NMRK2: variants seen among roughly 807,000 people sequenced by gnomAD.
NMRK2 encodes the protein nicotinamide riboside kinase 2.
Under a neutral mutation model 24.7 loss-of-function variants are expected in NMRK2, and 34 were observed. The observed-to-expected ratio is 1.37, with a 90% CI of 1.05 to 1.83. NMRK2 has a LOEUF of 1.83. Among genes scored for constraint, NMRK2 ranks in the 40% most tolerant of loss-of-function variants. The probability of loss-of-function intolerance (pLI) is 0.00; values close to 1 mark genes in which losing one functional copy is unlikely to be tolerated. For synonymous variants in NMRK2, 145 were observed against 125.6 expected (o/e 1.15, Z -1.03); for missense variants, 341 against 315.0 (o/e 1.08, Z -0.62).
At chr19:3,935,815 C>T (rs2039203057) in intron 2 of NMRK2, among the ~76,000 whole-genome samples, 1 of 152,038 alleles carries the variant, frequency 6.6e-6, no homozygotes, top group Non-Finnish European at 1.5e-5. Context: ...AAGCGATCCA[C>T]CTGCTTCGGC....
At chr19:3,934,961 C>T (rs1474466222) in intron 2 of NMRK2, among the ~76,000 whole-genome samples, 1 of 152,086 alleles carries the variant, frequency 6.6e-6, no homozygotes, top group Non-Finnish European at 1.5e-5. Context: ...ACCCGGGGCA[C>T]AAAATAACTT....
chr19:3,935,232 G>A (rs1202611629), intron 2 of NMRK2, among the ~76,000 whole-genome samples: 1 of 145,054 alleles, frequency 6.9e-6, no homozygotes, highest in Non-Finnish European at 1.5e-5. Flanking sequence ...TGATATAGGT[G>A]TCCTCTTTTT....
Position 3,941,102 on chromosome 19 carries a change from G to T in NMRK2, c.427G>T (p.Gly143Cys). 6.2e-7 allele frequency: 1 copy of T among 1,613,788 alleles called. No homozygotes were observed. Among genetic ancestry groups the T allele is most frequent in the Non-Finnish European group, 8.5e-7 (1 of 1,179,796 alleles). The change falls in exon 7 of 8, where the codon GGC becomes TGC. Residue 143 changes from glycine (G) to cysteine (C), a missense_variant. Coordinates refer to ENST00000168977, the MANE Select transcript of NMRK2 (RefSeq NM_170678.3). ...CAACTACACAGTCCCTGATCCCCCC[G>T]GCCTCTTCGATGGCCACGTGTGGCC... Reference protein sequence around the residue: ...TRNYTVPDPPGLFDGHVWPMY... With the variant: ...TRNYTVPDPPCLFDGHVWPMY...
chr19:3,942,163 T>A lies in NMRK2; in HGVS notation c.583T>A (p.Ser195Thr), dbSNP rs749907658. Residue 195 changes from serine to threonine, a missense_variant, in exon 8 of 8, where the codon TCC becomes ACC. Ser to Thr is a moderately conservative substitution (Grantham distance 58). Coordinates refer to ENST00000168977, the MANE Select transcript of NMRK2 (RefSeq NM_170678.3). ...EDIQNSLLNR[S>T]QESAPSPARP... ...CATTCAGAACTCGCTGCTGAACCGC[T>A]CCCAGGAATCAGCCCCCTCCCCGGC... 6.2e-7 allele frequency: 1 copy of A among 1,613,174 alleles called. No individual in the cohort carries two copies. The highest frequency in any genetic ancestry group is 2.2e-5 in the East Asian group (1 of 44,858).
chr19:3,939,368 G>A (rs995044524), intron 5 of NMRK2, among the ~76,000 whole-genome samples: 7 of 151,874 alleles, frequency 4.6e-5, no homozygotes, highest in Non-Finnish European at 7.4e-5. Context: ...CAAAAAATTA[G>A]CCAGGTGTGG....
At chr19:3,941,443 G>A (rs2039331918) in intron 7 of NMRK2, among the ~76,000 whole-genome samples, 1 of 151,658 alleles carries the variant, frequency 6.6e-6, no homozygotes, top group Non-Finnish European at 1.5e-5. Context: ...AATAGAGACA[G>A]GGTTTCACCA....
chr19:3,941,845 G>A lies in NMRK2; in HGVS notation c.503-238G>A, dbSNP rs573214675. ...TTTAGTAGAGATGGGGTTTCACCCT[G>A]TTGGCCAGGCTGGTTTCGAACTCCT... On this transcript the variant is annotated intron_variant, in intron 7 of 7. Transcript: ENST00000168977. Among the ~76,000 whole-genome samples the A allele has an allele frequency of 5.3e-5, 8 of 152,154 alleles. No homozygotes were observed. The South Asian group carries it at 1.7e-3, about 32-fold the overall frequency.
At chr19:3,938,847 T>TGTGTG in intron 5 of NMRK2, 88 bp downstream of exon 5, 7 of 348,124 alleles carry the variant, frequency 2.0e-5, no homozygotes, top group Non-Finnish European at 2.4e-5. Context: ...TTTTTTTGTT[T>TGTGTG]TGTTTTTTTT....
Position 3,933,594 on chromosome 19 carries a change from G to A in NMRK2, c.-78G>A. 6.8e-7 allele frequency: 1 copy of A among 1,476,602 alleles called. No homozygotes were observed. The highest frequency in any genetic ancestry group is 1.2e-5 in the South Asian group (1 of 81,364). 91.5% of individuals were successfully genotyped at this position (1,476,602 alleles called of 1,614,324 possible). On this transcript the variant is annotated 5_prime_UTR_variant, in exon 2 of 8. Coordinates refer to ENST00000168977, the MANE Select transcript of NMRK2 (RefSeq NM_170678.3). ...CAGGTTTTCTCAATGAAGCCGGGACGCACTCCGGAGCGCACTGCGTGGTCG... is the reference window on the plus strand; with the variant it reads ...CAGGTTTTCTCAATGAAGCCGGGACACACTCCGGAGCGCACTGCGTGGTCG...
In NMRK2 at chr19:3,940,360, A is replaced by AG. The variant is rs2039309907; in HGVS notation, c.395+391dup. ...CAAAAAAAAAAAAAAAAAAAAAAAA[A>AG]GGCGGCCAGGCGCGGTGGCTCACGC... On this transcript the variant is annotated intron_variant, in intron 6 of 7. Coordinates refer to ENST00000168977, the MANE Select transcript of NMRK2 (RefSeq NM_170678.3). Among the ~76,000 whole-genome samples the AG allele has an allele frequency of 2.8e-5, 4 of 144,732 alleles. No individual in the cohort carries two copies. The South Asian group carries it at 6.7e-4, about 24-fold the overall frequency. 94.9% of individuals were successfully genotyped at this position (144,732 alleles called of 152,430 possible).
chr19:3,939,850 G>A, intron 5 of NMRK2, 50 bp from the exon 6 acceptor site: 1 of 1,547,562 alleles, frequency 6.5e-7, no homozygotes, highest in African/African-American at 1.4e-5. Flanking sequence ...TTTGACTGCG[G>A]TTGAAGGAAA....
chr19:3,942,156 G>T lies in NMRK2; in HGVS notation c.576G>T (p.Leu192=). The T allele has an allele frequency of 2.5e-6, 4 of 1,613,302 alleles. No individual in the cohort carries two copies. The highest frequency in any genetic ancestry group is 1.3e-5 in the African/African-American group (1 of 75,060). The change falls in exon 8 of 8, where the codon CTG becomes CTT. Residue 192 remains leucine (L), a synonymous_variant. Transcript: ENST00000168977. Reference sequence around the variant, plus strand: ...TGGAAGACATTCAGAACTCGCTGCTGAACCGCTCCCAGGAATCAGCCCCCT... The same window carrying T: ...TGGAAGACATTCAGAACTCGCTGCTTAACCGCTCCCAGGAATCAGCCCCCT... ...EVLEDIQNSL[L]NRSQESAPSP...
chr19:3,940,762 G>A (rs1262277124), intron 6 of NMRK2, among the ~76,000 whole-genome samples: 3 of 147,452 alleles, frequency 2.0e-5, no homozygotes, highest in East Asian at 2.0e-4. Context: ...AAGAGAAAAC[G>A]CCACTGGACA....
At chr19:3,934,255 A>T (rs950577175) in intron 2 of NMRK2, among the ~76,000 whole-genome samples, 44 of 152,218 alleles carry the variant, frequency 2.9e-4, no homozygotes, top group African/African-American at 1.0e-3. Flanking sequence ...TCAAAAAAAA[A>T]ATCAGTAGGG....
Position 3,939,905 on chromosome 19 carries a change from T to C in NMRK2, c.329T>C (p.Leu110Pro), listed in dbSNP as rs2039298298. The C allele has an allele frequency of 1.9e-6, 3 of 1,612,554 alleles. No homozygotes were observed. In the Middle Eastern group the frequency reaches 5.0e-4, roughly 266 times the overall value. Residue 110 changes from leucine to proline, a missense_variant, in exon 6 of 8, where the codon CTG (leucine) becomes CCG (proline). Leu to Pro is a moderately conservative substitution (Grantham distance 98). Transcript: ENST00000168977. Reference sequence around the variant, plus strand: ...GTCTCCCCCACTCCGCCCAGGCCCCTGGTGGACTTGTACAGCCGCCGGTAC... The same window carrying C: ...GTCTCCCCCACTCCGCCCAGGCCCCCGGTGGACTTGTACAGCCGCCGGTAC... ...EGFLLYSYKPLVDLYSRRYFL... is the reference protein window; with the variant it reads ...EGFLLYSYKPPVDLYSRRYFL...
intron 4 of NMRK2, 118 bp from the exon 5 acceptor site, chr19:3,938,485 C>T (rs2039258007): frequency 1.2e-6 from 1 of 859,518 alleles, no homozygotes; most frequent in Non-Finnish European, 1.7e-6. Flanking sequence ...GGTCCACCCT[C>T]CTGCAATGCC....
At chr19:3,938,816 TC>T in intron 5 of NMRK2, 57 bp downstream of exon 5, 1 of 522,714 alleles carries the variant, frequency 1.9e-6, no homozygotes, top group Non-Finnish European at 2.9e-6. Flanking sequence ...GGTATAGCCA[TC>T]TCTTGTTTTT....
chr19:3,937,136 G>T, intron 3 of NMRK2, 104 bp from the exon 4 acceptor site: 1 of 1,117,618 alleles, frequency 8.9e-7, no homozygotes, highest in Non-Finnish European at 1.3e-6. Flanking sequence ...ACGCCTCAGG[G>T]ACCTCAGCAG....
chr19:3,939,560 C>G (rs2039289459), intron 5 of NMRK2, among the ~76,000 whole-genome samples: 1 of 152,036 alleles, frequency 6.6e-6, no homozygotes, highest in African/African-American at 2.4e-5. Flanking sequence ...CAAACAGCCA[C>G]CCTTCTTGGG....
Sources: allele counts gnomAD v4.1 joint callset (sites outside exome capture counted in the v4.1 genomes callset), GRCh38; gene constraint gnomAD v4.1.1; transcripts MANE v1.5; gene names NCBI Gene and HGNC (gene_info 2026-07-23, HGNC 2026-07-21).